The following GALNT13 variants were observed in gnomAD, a reference collection of about 807,000 sequenced individuals.
GALNT13 encodes polypeptide N-acetylgalactosaminyltransferase 13, also known as UDP-GalNAc:polypeptide N-acetylgalactosaminyltransferase 13.
A neutral mutation model predicts 64.2 loss-of-function variants in GALNT13; 28 were observed. That is an observed-to-expected ratio of 0.44 (90% CI 0.32 to 0.60). The LOEUF is 0.60. Among genes scored for constraint, GALNT13 ranks in the 20% least tolerant of loss-of-function variants. The pLI is 0.05. For missense variants in GALNT13, 577 were observed against 669.8 expected (o/e 0.86, Z 1.53); for synonymous variants, 214 against 224.6 (o/e 0.95, Z 0.42).
intron 3 of GALNT13, among the ~76,000 whole-genome samples, chr2:154,082,974 G>A (rs1305832462): frequency 6.6e-6 from 1 of 151,948 alleles, no homozygotes. Context: ...TTTTAGTCAT[G>A]AAGTCTTTGC....
chr2:153,423,896 A>G, the GALNT13 span, among the ~76,000 whole-genome samples: 5 of 151,630 alleles, frequency 3.3e-5, no homozygotes, highest in African/African-American at 9.7e-5. Context: ...TTTATGAAGC[A>G]TGATAAACTC....
At chr2:153,510,223 C>T in the GALNT13 span, among the ~76,000 whole-genome samples, 8 of 152,094 alleles carry the variant, frequency 5.3e-5, no homozygotes, top group Non-Finnish European at 1.0e-4. Context: ...CACCCAAATC[C>T]GAGAGATGTT....
intron 3 of GALNT13, among the ~76,000 whole-genome samples, chr2:154,063,857 C>T (rs1261204508): frequency 6.6e-6 from 1 of 152,092 alleles, no homozygotes; most frequent in African/African-American, 2.4e-5. Flanking sequence ...ATTTTCCTTC[C>T]TGCAGGGACA....
chr2:153,539,386 CTTTAG>C, the GALNT13 span, among the ~76,000 whole-genome samples: 9 of 151,958 alleles, frequency 5.9e-5, no homozygotes, highest in Non-Finnish European at 1.0e-4. Context: ...TGCAGAAGCT[CTTTAG>C]TTTAATTAGA....
At chr2:154,306,550 G>C (rs1693741039) in intron 9 of GALNT13, among the ~76,000 whole-genome samples, 1 of 146,402 alleles carries the variant, frequency 6.8e-6, no homozygotes, top group Non-Finnish European at 1.5e-5. Flanking sequence ...CAGGAGATCA[G>C]AGTTTCATTA....
At chr2:153,322,906 C>T in the GALNT13 span, among the ~76,000 whole-genome samples, 1 of 152,118 alleles carries the variant, frequency 6.6e-6, no homozygotes. Context: ...CACTGATGGG[C>T]ATCTGGGTTG....
chr2:153,126,504 C>G, the GALNT13 span, among the ~76,000 whole-genome samples: 1 of 151,894 alleles, frequency 6.6e-6, no homozygotes, highest in Non-Finnish European at 1.5e-5. Flanking sequence ...AATAATGTGC[C>G]TAAGGTCACA....
the GALNT13 span, among the ~76,000 whole-genome samples, chr2:153,101,702 G>T: frequency 6.6e-6 from 1 of 152,128 alleles, no homozygotes. Context: ...TGTCTTTTGA[G>T]ATATTAAAAA....
the GALNT13 span, among the ~76,000 whole-genome samples, chr2:153,169,965 T>C: frequency 6.6e-6 from 1 of 152,190 alleles, no homozygotes; most frequent in Non-Finnish European, 1.5e-5. Flanking sequence ...AAATTAAGCT[T>C]GGGAATATGT....
chr2:154,452,979 T>C lies in GALNT13; in HGVS notation c.*2428T>C, dbSNP rs1333961089. 6.6e-6 allele frequency: 1 copy of C among 152,068 alleles called. No homozygotes were observed. The highest frequency in any genetic ancestry group is 1.9e-4 in the East Asian group (1 of 5,186). 9.4% of individuals were successfully genotyped at this position (152,068 alleles called of 1,614,324 possible). A position where few individuals can be genotyped will look rare whatever the true frequency, so the allele number is the denominator to read the frequency against. On this transcript the variant is annotated 3_prime_UTR_variant, in exon 13 of 13. Transcript: ENST00000392825. ...AACTTCAACCTTCCAGATGCTCAGG[T>C]CAAAAACTGAAAGTTGCTTTTGACT...
At chr2:153,157,611 A>G in the GALNT13 span, among the ~76,000 whole-genome samples, 11 of 152,186 alleles carry the variant, frequency 7.2e-5, no homozygotes, top group African/African-American at 2.2e-4. Context: ...CAGAAGACCA[A>G]TCCTGGATTG....
the GALNT13 span, among the ~76,000 whole-genome samples, chr2:153,687,068 T>C: frequency 2.0e-5 from 3 of 152,044 alleles, no homozygotes; most frequent in East Asian, 5.8e-4. Flanking sequence ...ATTTTTTACA[T>C]TGAAGTTTAT....
At chr2:154,181,978 G>A (rs961218714) in intron 4 of GALNT13, among the ~76,000 whole-genome samples, 8 of 151,766 alleles carry the variant, frequency 5.3e-5, no homozygotes, top group African/African-American at 1.9e-4. Context: ...TAATATGAGA[G>A]TCTAATAAGA....
the GALNT13 span, among the ~76,000 whole-genome samples, chr2:153,538,423 G>T: frequency 2.5e-5 from 3 of 122,108 alleles, no homozygotes; most frequent in East Asian, 2.3e-4. Flanking sequence ...TAAGTTTTAG[G>T]GTACATGTGC....
chr2:154,014,439 G>C (rs1696857186), intron 3 of GALNT13, among the ~76,000 whole-genome samples: 1 of 151,806 alleles, frequency 6.6e-6, no homozygotes, highest in Non-Finnish European at 1.5e-5. Context: ...AGGATTTCCA[G>C]ATTCCTCCCG....
chr2:153,150,420 G>T, the GALNT13 span, among the ~76,000 whole-genome samples: 1 of 151,966 alleles, frequency 6.6e-6, no homozygotes, highest in African/African-American at 2.4e-5. Flanking sequence ...CCATTCTGTA[G>T]GTTGCCTGTT....
intron 8 of GALNT13, among the ~76,000 whole-genome samples, chr2:154,259,414 T>C (rs543631864): frequency 6.6e-6 from 1 of 152,266 alleles, no homozygotes; most frequent in South Asian, 2.1e-4. Flanking sequence ...TAAAGAAGGG[T>C]TTTATTTTTT....
At chr2:153,462,123 A>C in the GALNT13 span, among the ~76,000 whole-genome samples, 1 of 151,900 alleles carries the variant, frequency 6.6e-6, no homozygotes, top group African/African-American at 2.4e-5. Flanking sequence ...TTTTCCTAGA[A>C]GCTTGTATGT....
chr2:153,413,614 TTGA>T, the GALNT13 span, among the ~76,000 whole-genome samples: 1 of 152,200 alleles, frequency 6.6e-6, no homozygotes, highest in Non-Finnish European at 1.5e-5. Context: ...CGTTGTTCTA[TTGA>T]GTCCATGTAA....
Sources: gnomAD v4.1 joint callset for allele counts (sites outside exome capture counted in the v4.1 genomes callset) on GRCh38, gnomAD v4.1.1 for gene constraint, MANE v1.5 for transcripts, NCBI Gene and HGNC (gene_info 2026-07-23, HGNC 2026-07-21) for gene names.